Variants in NIPBL observed in about 807,000 individuals in gnomAD.
NIPBL encodes nipped-B-like protein.
NIPBL carries 19 observed loss-of-function variants against 321.8 expected under a neutral mutation model. The observed-to-expected ratio is 0.06, with a 90% CI of 0.04 to 0.09. The LOEUF (loss-of-function observed/expected upper bound fraction) is 0.09. NIPBL is among the 10% of genes least tolerant of loss of function. NIPBL has a pLI of 1.00. For missense variants in NIPBL, 2,210 were observed against 3,327.0 expected (o/e 0.66, Z 8.26); for synonymous variants, 1,106 against 1,114.1 (o/e 0.99, Z 0.14).
At chr5:37,044,586 T>A (rs1237599279) in intron 35 of NIPBL, 50 bp from the exon 36 acceptor site, 2 of 1,574,502 alleles carry the variant, frequency 1.3e-6, no homozygotes, top group African/African-American at 1.4e-5. Flanking sequence ...GCTAAGTTTT[T>A]AAAATAGTAT....
intron 1 of NIPBL, among the ~76,000 whole-genome samples, chr5:36,881,602 A>G (rs1054224438): frequency 6.6e-5 from 10 of 152,006 alleles, no homozygotes; most frequent in Admixed American, 5.9e-4. Context: ...TACAATTAGT[A>G]AATGATCAGT....
At chr5:36,961,440 C>A in intron 4 of NIPBL, 44 bp from the exon 5 acceptor site, 2 of 1,103,030 alleles carry the variant, frequency 1.8e-6, no homozygotes, top group Non-Finnish European at 2.8e-6. Context: ...GGACACTTTA[C>A]TGTTAGAAGA....
intron 4 of NIPBL, 150 bp downstream of exon 4, chr5:36,958,381 T>G (rs1741220806): frequency 2.8e-6 from 2 of 712,826 alleles, no homozygotes; most frequent in Admixed American, 4.5e-5. Context: ...ACTGATAAGA[T>G]TCTTGTAGTT....
rs1284341563 is a variant in NIPBL, at chr5:37,000,517, G to A, written c.3449G>A (p.Ser1150Asn). 3 of 1,613,468 alleles carry A rather than the reference G, an allele frequency of 1.9e-6. No individual in the cohort carries two copies. The highest frequency in any genetic ancestry group is 1.7e-5 in the Admixed American group (1 of 59,962). The change falls in exon 12 of 47, where the codon AGT (serine) becomes AAT (asparagine). Residue 1150 changes from serine (S) to asparagine (N), a missense_variant. Coordinates refer to ENST00000282516, the MANE Select transcript of NIPBL (RefSeq NM_133433.4). ...GGTGGTGGTCGTTATCGAAACCGAA[G>A]TCCGTCAGATTCTGACATGGAAGAT... ...SSGGGRYRNR[S>N]PSDSDMEDYS...
intron 1 of NIPBL, among the ~76,000 whole-genome samples, chr5:36,916,346 A>G (rs944389584): frequency 6.6e-6 from 1 of 152,234 alleles, no homozygotes; most frequent in Non-Finnish European, 1.5e-5. Context: ...AAACTTTTTA[A>G]CAATACAATT....
At chr5:36,915,205 A>G (rs923689452) in intron 1 of NIPBL, among the ~76,000 whole-genome samples, 1 of 152,162 alleles carries the variant, frequency 6.6e-6, no homozygotes, top group African/African-American at 2.4e-5. Context: ...AAATGTCTAC[A>G]TATAATAGAT....
chr5:37,051,985 A>G, intron 41 of NIPBL, 99 bp downstream of exon 41: 2 of 876,720 alleles, frequency 2.3e-6, no homozygotes, highest in East Asian at 2.6e-5. Context: ...TTGGAATAAA[A>G]TGTCTTACTT....
chr5:36,908,536 TATC>T (rs1035559857), intron 1 of NIPBL, among the ~76,000 whole-genome samples: 1 of 152,222 alleles, frequency 6.6e-6, no homozygotes, highest in African/African-American at 2.4e-5. Flanking sequence ...ATTATCTAGT[TATC>T]ATACAGGGAA....
At chr5:36,989,945 T>G (rs572504493) in intron 10 of NIPBL, among the ~76,000 whole-genome samples, 111 of 151,902 alleles carry the variant, frequency 7.3e-4, no homozygotes, top group Admixed American at 3.0e-3. Flanking sequence ...TTGATTTTGT[T>G]GTTTTTTTTT....
At chr5:37,003,432 T>G in intron 16 of NIPBL, 85 bp downstream of exon 16, 3 of 806,890 alleles carry the variant, frequency 3.7e-6, no homozygotes, top group Non-Finnish European at 6.3e-6. Context: ...TGTTTCATTT[T>G]CCATTTTCTC....
chr5:36,997,076 A>T (rs1428598874), intron 11 of NIPBL: 1 of 152,176 alleles, frequency 6.6e-6, no homozygotes, highest in African/African-American at 2.4e-5. Flanking sequence ...AAATGGCTAA[A>T]GTTAATTTTT....
At chr5:37,003,875 T>A (rs1388400893) in intron 16 of NIPBL, among the ~76,000 whole-genome samples, 1 of 152,170 alleles carries the variant, frequency 6.6e-6, no homozygotes, top group Non-Finnish European at 1.5e-5. Context: ...GTTTGTCAAT[T>A]TAAGGGGCAG....
intron 24 of NIPBL, among the ~76,000 whole-genome samples, chr5:37,018,797 G>T (rs1038624115): frequency 3.3e-5 from 5 of 152,016 alleles, no homozygotes; most frequent in East Asian, 1.9e-4. Context: ...CTACCTATGA[G>T]CTCTTTTTTT....
rs1580483669 is a variant in NIPBL at position 37,017,013 on chromosome 5, A to G, written c.4777-6A>G. On this transcript the variant is annotated splice_polypyrimidine_tract_variant and splice_region_variant and intron_variant, in intron 23 of 46. Transcript: ENST00000282516. ...CTATTCAATCAAAAACTATTTTGAT[A>G]TTTAGGTTCATCAGTTCAGTAACAA... 3.2e-6 allele frequency: 5 copies of G among 1,584,848 alleles called. No individual in the cohort carries two copies. Among genetic ancestry groups the G allele is most frequent in the Non-Finnish European group, 3.4e-6 (4 of 1,159,954 alleles).
intron 44 of NIPBL, among the ~76,000 whole-genome samples, chr5:37,060,372 C>T (rs953948673): frequency 3.3e-5 from 5 of 152,124 alleles, no homozygotes; most frequent in Admixed American, 6.5e-5. Context: ...TTGTGTTGCT[C>T]ATGGTAGTCT....
intron 1 of NIPBL, among the ~76,000 whole-genome samples, chr5:36,907,541 C>T (rs1747732134): frequency 6.6e-6 from 1 of 151,982 alleles, no homozygotes; most frequent in South Asian, 2.1e-4. Context: ...TGCATTTTCC[C>T]ACCTTAAGTA....
At chr5:36,938,591 G>A (rs1055712685) in intron 1 of NIPBL, among the ~76,000 whole-genome samples, 3 of 152,058 alleles carry the variant, frequency 2.0e-5, no homozygotes, top group Non-Finnish European at 4.4e-5. Flanking sequence ...TTCTAAATCA[G>A]CTAGTTTGAA....
intron 29 of NIPBL, 140 bp downstream of exon 29, chr5:37,022,530 T>G: frequency 2.7e-6 from 2 of 730,000 alleles, no homozygotes; most frequent in Non-Finnish European, 4.3e-6. Context: ...TATTGCCACT[T>G]TCTAAACAAG....
At chr5:36,897,771 C>T (rs1187367070) in intron 1 of NIPBL, among the ~76,000 whole-genome samples, 2 of 150,868 alleles carry the variant, frequency 1.3e-5, no homozygotes, top group Non-Finnish European at 2.9e-5. Context: ...TGCCTGCTAA[C>T]AATGTGTATA....
Sources: gnomAD v4.1 joint callset for allele counts (sites outside exome capture counted in the v4.1 genomes callset) on GRCh38, gnomAD v4.1.1 for gene constraint, MANE v1.5 for transcripts, NCBI Gene and HGNC (gene_info 2026-07-23, HGNC 2026-07-21) for gene names.